The following TFAP2D variants were observed in gnomAD, a reference collection of about 807,000 sequenced individuals.
TFAP2D encodes the protein transcription factor AP-2-delta.
TFAP2D carries 9 observed loss-of-function variants against 43.6 expected under a neutral mutation model. The ratio of observed to expected loss-of-function variants is 0.21; its 90% CI spans 0.12 to 0.36. The LOEUF is 0.36. Ranked by LOEUF, TFAP2D falls within the 10% of genes least tolerant of loss-of-function variation. The probability of loss-of-function intolerance (pLI) is 1.00; values close to 1 mark genes in which losing one functional copy is unlikely to be tolerated. For missense variants in TFAP2D, 513 were observed against 561.4 expected (o/e 0.91, Z 0.87); for synonymous variants, 256 against 224.9 (o/e 1.14, Z -1.24).
At position 50,771,318 on chromosome 6, in the gene TFAP2D, G is replaced by A. The variant is rs138976151; in HGVS notation, c.1140-1327G>A. Among the ~76,000 whole-genome samples, 1,202 of 152,286 alleles carry A rather than the reference G, an allele frequency of 7.9e-3. 6 individuals are homozygous for A. Among genetic ancestry groups the A allele is most frequent in the Non-Finnish European group, 0.011 (765 of 68,022 alleles). ...ACATAGGGCATAGCTACCCTTTTAA[G>A]CAAGTGGGAATTGCATGTATCACTT... On this transcript the variant is annotated intron_variant, in intron 7 of 7. Transcript: ENST00000008391.
intron 4 of TFAP2D, 63 bp from the exon 5 acceptor site, chr6:50,729,131 C>T (rs1768848373): frequency 2.5e-6 from 4 of 1,603,422 alleles, no homozygotes; most frequent in Non-Finnish European, 3.4e-6. Context: ...GTGGTCAAGT[C>T]GTCTCATAAT....
chr6:50,765,779 G>A (rs796524950), intron 7 of TFAP2D, among the ~76,000 whole-genome samples: 1 of 151,938 alleles, frequency 6.6e-6, no homozygotes, highest in African/African-American at 2.4e-5. Flanking sequence ...TGTACCAAAT[G>A]TATGGTTTGC....
chr6:50,772,648 G>T lies in TFAP2D; in HGVS notation c.1143G>T (p.Leu381Phe), dbSNP rs572831325. The T allele has an allele frequency of 1.9e-6, 3 of 1,613,450 alleles. No individual in the cohort carries two copies. The highest frequency in any genetic ancestry group is 3.3e-5 in the Admixed American group (2 of 59,996). ...DIQRHLTHFS[L>F]ITHGFGTPAI... ...TCCTATCACTTCTCATTTCCAGTTT[G>T]ATCACTCATGGCTTTGGGACTCCGG... Residue 381 changes from leucine (L) to phenylalanine (F), a missense_variant, in exon 8 of 8, where the codon TTG (leucine) becomes TTT (phenylalanine). By Grantham distance (22) the Leu-to-Phe change is conservative. This residue lies in a region of TFAP2D where 199 missense variants were observed against 227.9 expected (regional missense o/e 0.87). Coordinates refer to ENST00000008391, the MANE Select transcript of TFAP2D (RefSeq NM_172238.4).
At chr6:50,759,939 T>C (rs1166453164) in intron 7 of TFAP2D, among the ~76,000 whole-genome samples, 4 of 152,020 alleles carry the variant, frequency 2.6e-5, no homozygotes, top group Admixed American at 6.6e-5. Context: ...GTCATAAACA[T>C]ACTTCCCCAA....
chr6:50,746,134 A>G (rs1769122056), intron 6 of TFAP2D, among the ~76,000 whole-genome samples: 1 of 152,192 alleles, frequency 6.6e-6, no homozygotes, highest in Non-Finnish European at 1.5e-5. Flanking sequence ...AGAATCTTAA[A>G]TAATTTTTAA....
intron 2 of TFAP2D, among the ~76,000 whole-genome samples, chr6:50,717,001 C>G (rs746171612): frequency 1.3e-5 from 2 of 152,162 alleles, no homozygotes; most frequent in East Asian, 3.9e-4. Flanking sequence ...TTTATATTCA[C>G]AAAATAATTT....
chr6:50,715,540 G>T lies in TFAP2D; in HGVS notation c.464G>T (p.Gly155Val). ...CTCATGAGCCATGGCTCTCAGTATG[G>T]AATGCACCCAGATCAAAGACTCCTG... ...LSLMSHGSQY[G>V]MHPDQRLLPG... is the part of the protein sequence containing the mutation. Residue 155 changes from glycine to valine, a missense_variant, in exon 2 of 8, where the codon GGA becomes GTA. Around this residue, in one of 3 missense-constraint regions of TFAP2D, gnomAD observed 311 missense variants for 316.2 expected, o/e 0.98. Coordinates refer to ENST00000008391, the MANE Select transcript of TFAP2D (RefSeq NM_172238.4). 1 of 1,611,902 alleles carries T rather than the reference G, an allele frequency of 6.2e-7. No individual in the cohort carries two copies. The highest frequency in any genetic ancestry group is 8.5e-7 in the Non-Finnish European group (1 of 1,179,940).
chr6:50,769,298 C>G (rs939406667), intron 7 of TFAP2D, among the ~76,000 whole-genome samples: 16 of 152,274 alleles, frequency 1.1e-4, no homozygotes, highest in African/African-American at 3.8e-4. Context: ...TGGAAAGAAC[C>G]TAGCAGATGT....
chr6:50,738,740 C>T (rs1243372169), intron 5 of TFAP2D, among the ~76,000 whole-genome samples: 1 of 152,134 alleles, frequency 6.6e-6, no homozygotes, highest in African/African-American at 2.4e-5. Context: ...CTTTGTTTCC[C>T]TAACAATGCT....
At chr6:50,727,958 G>A (rs1035546462) in intron 3 of TFAP2D, among the ~76,000 whole-genome samples, 1 of 152,044 alleles carries the variant, frequency 6.6e-6, no homozygotes, top group African/African-American at 2.4e-5. Context: ...AGTTATTGTC[G>A]ACTGCCTGAG....
Position 50,751,316 on chromosome 6 carries a change from A to C in TFAP2D, c.1131A>C (p.Thr377=), listed in dbSNP as rs909897357. The change falls in exon 7 of 8, where the codon ACA becomes ACC. Residue 377 remains threonine, a synonymous_variant. Coordinates refer to ENST00000008391, the MANE Select transcript of TFAP2D (RefSeq NM_172238.4). Reference sequence around the variant, plus strand: ...ACCTTGACATCCAGAGACATTTAACACATTTCAGGTAAGACTGGTTTTCCA... The same window carrying C: ...ACCTTGACATCCAGAGACATTTAACCCATTTCAGGTAAGACTGGTTTTCCA... ...ILDLDIQRHL[T]HFSLITHGFG... The C allele has an allele frequency of 1.2e-5, 20 of 1,608,406 alleles. No individual in the cohort carries two copies. Among genetic ancestry groups the C allele is most frequent in the Middle Eastern group, 1.7e-4 (1 of 6,056 alleles).
At chr6:50,772,573 T>C in intron 7 of TFAP2D, 72 bp from the exon 8 acceptor site, 1 of 1,307,508 alleles carries the variant, frequency 7.6e-7, no homozygotes, top group Non-Finnish European at 1.1e-6. Flanking sequence ...CTGAATTATA[T>C]GGAGAGATTT....
intron 7 of TFAP2D, among the ~76,000 whole-genome samples, chr6:50,757,778 TTATTC>T (rs1472459133): frequency 2.5e-3 from 196 of 76,914 alleles, no homozygotes; most frequent in Middle Eastern, 7.8e-3. Context: ...ATATATATAA[TTATTC>T]TATATATATA....
intron 5 of TFAP2D, among the ~76,000 whole-genome samples, chr6:50,737,845 A>G (rs1200894317): frequency 6.6e-6 from 1 of 152,154 alleles, no homozygotes; most frequent in East Asian, 1.9e-4. Context: ...GTCTTTGGCT[A>G]TTACAAATAG....
In TFAP2D at chr6:50,714,103, A is replaced by G; in HGVS notation, c.39+9A>G. ...TAGTCCACGATGCCGAGGTATTATT[A>G]CTTTTTTTTTTTTTTTTTTTTGAGC... is the stretch of plus-strand genomic sequence containing the variant. On this transcript the variant is annotated intron_variant, in intron 1 of 7. Transcript: ENST00000008391. 2 of 1,474,224 alleles carry G rather than the reference A, an allele frequency of 1.4e-6. No homozygotes were observed. Among genetic ancestry groups the G allele is most frequent in the Non-Finnish European group, 1.8e-6 (2 of 1,112,524 alleles). The allele number at this position is 1,474,224 out of a possible 1,614,324, so 91.3% of individuals were successfully genotyped here.
At chr6:50,741,893 T>C (rs1769051683) in intron 5 of TFAP2D, among the ~76,000 whole-genome samples, 1 of 152,066 alleles carries the variant, frequency 6.6e-6, no homozygotes, top group South Asian at 2.1e-4. Context: ...GATTGCTCTT[T>C]CCACCACAGG....
At chr6:50,757,481 ATATATATATAATATATATAATTATTC>A (rs1482253904) in intron 7 of TFAP2D, among the ~76,000 whole-genome samples, 62 of 96,184 alleles carry the variant, frequency 6.4e-4, no homozygotes, top group Non-Finnish European at 7.7e-4. Flanking sequence ...TAATTATTCT[ATATATATATAATATATATAATTATTC>A]TATATATAGA....
chr6:50,740,684 G>A (rs1203197064), intron 5 of TFAP2D, among the ~76,000 whole-genome samples: 9 of 152,146 alleles, frequency 5.9e-5, no homozygotes, highest in Admixed American at 5.2e-4. Flanking sequence ...TGATCCACTG[G>A]GCTTGGCCTC....
At chr6:50,760,145 T>C (rs1769342562) in intron 7 of TFAP2D, among the ~76,000 whole-genome samples, 1 of 152,038 alleles carries the variant, frequency 6.6e-6, no homozygotes, top group East Asian at 1.9e-4. Flanking sequence ...TAAAACTTGA[T>C]CATGAAAACT....
Sources: gnomAD v4.1 joint callset for allele counts (sites outside exome capture counted in the v4.1 genomes callset) on GRCh38, gnomAD v4.1.1 for gene constraint, gnomAD v4.1.1 regional missense constraint, MANE v1.5 for transcripts, NCBI Gene and HGNC (gene_info 2026-07-23, HGNC 2026-07-21) for gene names.